CFAP47: variants seen among roughly 807,000 people sequenced by gnomAD.
CFAP47 encodes the protein cilia and flagella associated protein 47.
Under a neutral mutation model 148.1 loss-of-function variants are expected in CFAP47, and 29 were observed. That is an observed-to-expected ratio of 0.20 (90% CI 0.15 to 0.27). CFAP47 has a LOEUF of 0.27. Among genes scored for constraint, CFAP47 ranks in the 10% least tolerant of loss-of-function variants. The pLI is 1.00. For synonymous variants in CFAP47, 664 were observed against 577.3 expected (o/e 1.15, Z -2.15); for missense variants, 1,872 against 1,697.5 (o/e 1.10, Z -1.81).
At chrX:36,198,512 T>A (rs781882138) in intron 42 of CFAP47, among the ~76,000 whole-genome samples, 2 of 112,240 alleles carry the variant, frequency 1.8e-5, no homozygotes, top group East Asian at 5.7e-4. Flanking sequence ...AATTCTCTCC[T>A]GGATCAGGAA....
chrX:35,993,837 T>C (rs1233105307), intron 18 of CFAP47, among the ~76,000 whole-genome samples: 1 of 111,749 alleles, frequency 8.9e-6, no homozygotes, highest in Non-Finnish European at 1.9e-5. Flanking sequence ...AATAATCAAT[T>C]TTGCAATGCT....
chrX:36,090,054 A>G (rs1307819635), intron 30 of CFAP47, among the ~76,000 whole-genome samples: 1 of 112,106 alleles, frequency 8.9e-6, no homozygotes, highest in Non-Finnish European at 1.9e-5. Context: ...AATCCATTGT[A>G]TGAGTAATAA....
At position 36,317,372 on chromosome X, in the gene CFAP47, A is replaced by C. The variant is rs1381965908; in HGVS notation, c.8345-1837A>C. Among the ~76,000 whole-genome samples the C allele has an allele frequency of 4.5e-5, 5 of 110,359 alleles. No individual in the cohort carries two copies. In the East Asian group the frequency reaches 1.1e-3, roughly 25 times the overall value. ...ATTGAGAAATTTGAGACTTTTTGGC[A>C]GGGAAGTTGGGGTATCAAATATATT... On this transcript the variant is annotated intron_variant, in intron 56 of 63. Coordinates refer to ENST00000378653, the MANE Select transcript of CFAP47 (RefSeq NM_001304548.2).
At chrX:35,948,267 A>G (rs765594000) in intron 3 of CFAP47, 47 bp from the exon 4 acceptor site, 3 of 1,121,730 alleles carry the variant, frequency 2.7e-6, no homozygotes, top group East Asian at 3.0e-5. Context: ...TGTACATGCA[A>G]CATTGTAAGG....
At chrX:36,048,055 T>C (rs980806188) in intron 26 of CFAP47, among the ~76,000 whole-genome samples, 1 of 111,753 alleles carries the variant, frequency 8.9e-6, no homozygotes, top group African/African-American at 3.3e-5. Context: ...TATCTGGTTT[T>C]CTACAGTGAA....
At chrX:36,153,085 A>T (rs188734710) in intron 37 of CFAP47, among the ~76,000 whole-genome samples, 1 of 109,899 alleles carries the variant, frequency 9.1e-6, no homozygotes, top group East Asian at 2.8e-4. Flanking sequence ...TAAAAGTATA[A>T]GTCTGATATG....
chrX:36,108,802 TTTTCAC>T (rs1325010806), intron 33 of CFAP47, among the ~76,000 whole-genome samples: 8 of 110,380 alleles, frequency 7.2e-5, no homozygotes, highest in African/African-American at 2.7e-4. Context: ...TTTTTTTTTT[TTTTCAC>T]TTTTATTTTA....
chrX:36,271,422 A>T (rs1940957707), intron 49 of CFAP47, among the ~76,000 whole-genome samples: 1 of 111,218 alleles, frequency 9.0e-6, no homozygotes, highest in African/African-American at 3.3e-5. Flanking sequence ...CCAATTGCAA[A>T]GACAGAAAAT....
chrX:36,354,735 A>T (rs1941772480), intron 60 of CFAP47, among the ~76,000 whole-genome samples: 1 of 110,565 alleles, frequency 9.0e-6, no homozygotes, highest in South Asian at 3.9e-4. Context: ...GAGGAACCAG[A>T]CTTACCAAAG....
rs142372317 is a variant in CFAP47, at chrX:36,080,971, G to A, written c.4692-4343G>A. Among the ~76,000 whole-genome samples, 931 of 111,477 alleles carry A rather than the reference G, an allele frequency of 8.4e-3. 11 individuals are homozygous for A. The highest frequency in any genetic ancestry group is 0.029 in the African/African-American group (892 of 30,654). On this transcript the variant is annotated intron_variant, in intron 29 of 63. Transcript: ENST00000378653. ...ACTAGGAAAACTAACTCAAAAGCTA[G>A]CAGAAGAAAATAAATTACTAAAATA... is the stretch of plus-strand genomic sequence containing the variant.
intron 53 of CFAP47, among the ~76,000 whole-genome samples, chrX:36,302,641 T>A (rs1378621522): frequency 8.9e-6 from 1 of 112,177 alleles, no homozygotes; most frequent in Non-Finnish European, 1.9e-5. Flanking sequence ...GATGACAAGC[T>A]GGATGCTGTA....
In CFAP47 at chrX:36,251,375, A is replaced by G. The variant is rs1555998207; in HGVS notation, c.7375A>G (p.Thr2459Ala). Residue 2459 changes from threonine to alanine, a missense_variant, in exon 49 of 64, where the codon ACA becomes GCA. Thr to Ala is a moderately conservative substitution (Grantham distance 58, BLOSUM62 0). Transcript: ENST00000378653. ...LPIVWGNPQITVYPYKEILYL... is the reference protein window; with the variant it reads ...LPIVWGNPQIAVYPYKEILYL... ...AATAGTGTGGGGAAATCCACAAATT[A>G]CAGTATACCCTTATAAAGAAATTCT... The G allele has an allele frequency of 2.0e-6, 1 of 508,123 alleles. No individual in the cohort carries two copies. The highest frequency in any genetic ancestry group is 3.5e-6 in the Non-Finnish European group (1 of 283,276). The allele number at this position is 508,123 out of a possible 1,213,427, so 41.9% of individuals were successfully genotyped here. A position where few individuals can be genotyped will look rare whatever the true frequency, so the allele number is the denominator to read the frequency against.
chrX:36,231,747 A>G (rs1443695530), intron 46 of CFAP47, among the ~76,000 whole-genome samples: 6 of 110,941 alleles, frequency 5.4e-5, no homozygotes, highest in South Asian at 7.6e-4. Context: ...TTGGCTGTGG[A>G]TTTGTCATAG....
At chrX:36,347,107 A>G (rs139063450) in intron 57 of CFAP47, among the ~76,000 whole-genome samples, 2,143 of 112,120 alleles carry the variant, frequency 0.019, 46 homozygotes, top group African/African-American at 0.066. Flanking sequence ...AAACCACCTC[A>G]TCAAAAACTG....
In CFAP47 at chrX:35,948,348, C is replaced by T; in HGVS notation, c.552C>T (p.Pro184=). 1 of 1,204,178 alleles carries T rather than the reference C, an allele frequency of 8.3e-7. No individual in the cohort carries two copies. The highest frequency in any genetic ancestry group is 1.1e-6 in the Non-Finnish European group (1 of 888,795). The part of the protein sequence containing the change: ...IFKAEYHGQL[P]ILIFPTSGIV... Reference sequence around the variant, plus strand: ...AGGCAGAATACCACGGCCAATTACCCATCCTCATTTTTCCAACTAGTGGTA... The same window carrying T: ...AGGCAGAATACCACGGCCAATTACCTATCCTCATTTTTCCAACTAGTGGTA... The change falls in exon 4 of 64, where the codon CCC becomes CCT. Residue 184 remains proline (P), a synonymous_variant. Coordinates refer to ENST00000378653, the MANE Select transcript of CFAP47 (RefSeq NM_001304548.2).
At chrX:36,043,071 A>ATGAT (rs1937425253) in intron 25 of CFAP47, among the ~76,000 whole-genome samples, 1 of 112,064 alleles carries the variant, frequency 8.9e-6, no homozygotes, top group African/African-American at 3.2e-5. Context: ...AAATGATGGA[A>ATGAT]TGATTGAATA....
At position 35,970,965 on chromosome X, in the gene CFAP47, G is replaced by A. The variant is rs182691635; in HGVS notation, c.1970+42G>A. ...CAAAAAATATGCAACAGATCATGGT[G>A]TCTACAGAGTCAGAATTTTTTTTTA... On this transcript the variant is annotated intron_variant, in intron 11 of 63. Coordinates refer to ENST00000378653, the MANE Select transcript of CFAP47 (RefSeq NM_001304548.2). The A allele has an allele frequency of 6.4e-4, 686 of 1,077,961 alleles. 5 individuals carry two copies. The African/African-American group carries it at 0.012, about 19-fold the overall frequency. The allele number at this position is 1,077,961 out of a possible 1,213,427, so 88.8% of individuals were successfully genotyped here. A position where few individuals can be genotyped will look rare whatever the true frequency, so the allele number is the denominator to read the frequency against.
At chrX:36,028,120 C>T (rs959699572) in intron 22 of CFAP47, among the ~76,000 whole-genome samples, 1 of 110,885 alleles carries the variant, frequency 9.0e-6, no homozygotes, top group Non-Finnish European at 1.9e-5. Flanking sequence ...TATTCTTTCT[C>T]TTGTTTATTT....
At chrX:36,251,257 A>G (rs2146922976) in intron 48 of CFAP47, 76 bp from the exon 49 acceptor site, 2 of 321,371 alleles carry the variant, frequency 6.2e-6, no homozygotes, top group Admixed American at 1.1e-4. Flanking sequence ...AACTTGTTAC[A>G]GTAATTTCAT....
Sources: allele counts gnomAD v4.1 joint callset (sites outside exome capture counted in the v4.1 genomes callset), GRCh38; gene constraint gnomAD v4.1.1; transcripts MANE v1.5; gene names NCBI Gene and HGNC (gene_info 2026-07-23, HGNC 2026-07-21).